SIK3: variants seen among roughly 807,000 people sequenced by gnomAD.
The protein encoded by SIK3 is SIK family kinase 3, also known as serine/threonine-protein kinase SIK3.
Under a neutral mutation model 144.2 loss-of-function variants are expected in SIK3, and 28 were observed. The observed-to-expected ratio is 0.19, with a 90% CI of 0.14 to 0.27. The LOEUF is 0.27. Among genes scored for constraint, SIK3 ranks in the 10% least tolerant of loss-of-function variants. The pLI, the probability that SIK3 is intolerant of heterozygous loss-of-function variation, is 1.00. For missense variants in SIK3, 1,319 were observed against 1,776.0 expected (o/e 0.74, Z 4.62); for synonymous variants, 686 against 676.3 (o/e 1.01, Z -0.22).
rs201725817 is a variant in SIK3, at chr11:116,927,180, T to A, written c.616+39A>T. The A allele has an allele frequency of 5.7e-4, 862 of 1,515,152 alleles. 1 individual carries two copies. The highest frequency in any genetic ancestry group is 7.0e-4 in the Non-Finnish European group (780 of 1,114,910). 93.9% of individuals were successfully genotyped at this position (1,515,152 alleles called of 1,614,324 possible). On this transcript the variant is annotated intron_variant, in intron 4 of 24. Coordinates refer to ENST00000445177, the MANE Select transcript of SIK3 (RefSeq NM_001366686.3). ...TGCTTATAGAACCCCAAGGAAAAGCTCCTTTGTCCCTATCTGACATCCTCA... is the reference window on the plus strand; with the variant it reads ...TGCTTATAGAACCCCAAGGAAAAGCACCTTTGTCCCTATCTGACATCCTCA...
chr11:117,083,466 T>C (rs955693594), intron 1 of SIK3, among the ~76,000 whole-genome samples: 8 of 152,132 alleles, frequency 5.3e-5, no homozygotes, highest in East Asian at 1.9e-4. Flanking sequence ...CCAAAGATCA[T>C]TGCCAGAATA....
At chr11:116,899,692 A>T (rs1380484894) in intron 4 of SIK3, among the ~76,000 whole-genome samples, 1 of 152,152 alleles carries the variant, frequency 6.6e-6, no homozygotes, top group Non-Finnish European at 1.5e-5. Flanking sequence ...AGTCTTCAGG[A>T]GCTACACTAA....
chr11:116,967,349 G>A (rs1030586198), intron 1 of SIK3, among the ~76,000 whole-genome samples: 3 of 152,152 alleles, frequency 2.0e-5, no homozygotes, highest in South Asian at 2.1e-4. Context: ...CTCAACTGCC[G>A]TAACATAATT....
chr11:116,870,302 T>C (rs756939708), intron 14 of SIK3, 29 bp downstream of exon 14: 3 of 1,613,856 alleles, frequency 1.9e-6, no homozygotes, highest in Non-Finnish European at 8.5e-7. Flanking sequence ...CCCAGGGGCT[T>C]CTGCAAGCAC....
chr11:117,084,670 T>C (rs995363405), intron 1 of SIK3, among the ~76,000 whole-genome samples: 1 of 152,180 alleles, frequency 6.6e-6, no homozygotes, highest in Non-Finnish European at 1.5e-5. Context: ...TTTAATTAAA[T>C]AGAATGTAAA....
intron 4 of SIK3, among the ~76,000 whole-genome samples, chr11:116,918,300 C>A (rs943250797): frequency 6.6e-6 from 1 of 152,152 alleles, no homozygotes; most frequent in Non-Finnish European, 1.5e-5. Flanking sequence ...CGCATGCCAT[C>A]CACCCTCTTA....
intron 1 of SIK3, among the ~76,000 whole-genome samples, chr11:116,965,789 G>A (rs1467201407): frequency 6.3e-5 from 6 of 95,610 alleles, no homozygotes; most frequent in African/African-American, 2.8e-4. Flanking sequence ...ATATAAATTA[G>A]CCAAACATGG....
chr11:116,932,182 A>G (rs1023844551), intron 3 of SIK3, among the ~76,000 whole-genome samples: 4 of 152,162 alleles, frequency 2.6e-5, no homozygotes, highest in African/African-American at 9.7e-5. Flanking sequence ...GCCTCATTTA[A>G]CAGCAACTAC....
intron 6 of SIK3, among the ~76,000 whole-genome samples, chr11:116,887,659 T>C (rs1944896978): frequency 6.6e-6 from 1 of 151,060 alleles, no homozygotes; most frequent in South Asian, 2.1e-4. Flanking sequence ...CATAGTTAAG[T>C]AGTGATGACT....
At chr11:116,885,442 C>G (rs1454173436) in intron 6 of SIK3, among the ~76,000 whole-genome samples, 1 of 152,192 alleles carries the variant, frequency 6.6e-6, no homozygotes, top group Non-Finnish European at 1.5e-5. Flanking sequence ...ATTCAGAAAT[C>G]AGGAAATCCT....
intron 4 of SIK3, among the ~76,000 whole-genome samples, chr11:116,923,447 T>A (rs1043420635): frequency 6.6e-6 from 1 of 152,196 alleles, no homozygotes; most frequent in African/African-American, 2.4e-5. Context: ...AAATTAGTCA[T>A]GTTCTAGTTG....
intron 4 of SIK3, 121 bp downstream of exon 4, chr11:116,927,098 A>G: frequency 1.5e-6 from 1 of 656,138 alleles, no homozygotes. Context: ...TTTTCATCTT[A>G]AATTGTCCTT....
chr11:117,087,960 T>C (rs952411053), intron 1 of SIK3, among the ~76,000 whole-genome samples: 16 of 152,234 alleles, frequency 1.1e-4, no homozygotes, highest in African/African-American at 3.9e-4. Context: ...CCAGGCGTGA[T>C]GGCTCACACC....
intron 1 of SIK3, among the ~76,000 whole-genome samples, chr11:117,003,433 T>C (rs953380390): frequency 4.6e-5 from 7 of 151,972 alleles, no homozygotes; most frequent in African/African-American, 1.7e-4. Context: ...AAAATGAGGG[T>C]AATAAAAGTA....
rs142332642 is a variant in SIK3 at position 116,860,456 on chromosome 11, A to G, written c.2425+818T>C. On this transcript the variant is annotated intron_variant, in intron 19 of 24. Coordinates refer to ENST00000445177, the MANE Select transcript of SIK3 (RefSeq NM_001366686.3). Reference sequence around the variant, plus strand: ...TAAGACGGCTGACCTCTGAAGACTCACAGTCACATTATACTTATCTTCACT... The same window carrying G: ...TAAGACGGCTGACCTCTGAAGACTCGCAGTCACATTATACTTATCTTCACT... Among the ~76,000 whole-genome samples the G allele has an allele frequency of 8.5e-5, 13 of 152,286 alleles. 2 individuals carry two copies. The highest frequency in any genetic ancestry group is 3.1e-4 in the African/African-American group (13 of 41,560).
chr11:116,860,281 C>T (rs190394864), intron 19 of SIK3, among the ~76,000 whole-genome samples: 5 of 151,802 alleles, frequency 3.3e-5, no homozygotes, highest in Non-Finnish European at 4.4e-5. Flanking sequence ...GTCTGGAATA[C>T]GACCTGAGAT....
intron 4 of SIK3, among the ~76,000 whole-genome samples, chr11:116,913,145 C>G (rs1430448136): frequency 6.6e-6 from 1 of 152,090 alleles, no homozygotes; most frequent in Non-Finnish European, 1.5e-5. Flanking sequence ...TTAGTTCACT[C>G]TTAAAAACAG....
chr11:117,077,155 C>T (rs1006944809), intron 1 of SIK3, among the ~76,000 whole-genome samples: 2 of 152,184 alleles, frequency 1.3e-5, no homozygotes, highest in Non-Finnish European at 2.9e-5. Flanking sequence ...AAGACCCTGT[C>T]TCTAAACAAA....
chr11:117,079,442 A>G (rs961508042), intron 1 of SIK3, among the ~76,000 whole-genome samples: 1 of 152,240 alleles, frequency 6.6e-6, no homozygotes, highest in African/African-American at 2.4e-5. Context: ...GGTGTATTAC[A>G]AGGCAAGCAT....
Sources: gnomAD v4.1 joint callset for allele counts (sites outside exome capture counted in the v4.1 genomes callset) on GRCh38, gnomAD v4.1.1 for gene constraint, MANE v1.5 for transcripts, NCBI Gene and HGNC (gene_info 2026-07-23, HGNC 2026-07-21) for gene names.